The following KDM4C variants were observed in gnomAD, a reference collection of about 807,000 sequenced individuals.
KDM4C encodes lysine demethylase 4C.
In KDM4C, 81 loss-of-function variants were observed where a neutral mutation model predicts 129.3. That is an observed-to-expected ratio of 0.63 (90% CI 0.52 to 0.75). The LOEUF (loss-of-function observed/expected upper bound fraction) is 0.75, where lower values mean the gene tolerates loss of function less well. Among genes scored for constraint, KDM4C ranks in the 30% least tolerant of loss-of-function variants. The probability of loss-of-function intolerance (pLI) is 0.00; values close to 1 mark genes in which losing one functional copy is unlikely to be tolerated. For synonymous variants in KDM4C, 573 were observed against 456.1 expected (o/e 1.26, Z -3.26); for missense variants, 1,457 against 1,304.0 (o/e 1.12, Z -1.81).
At chr9:7,077,273 A>C (rs1206737650) in intron 17 of KDM4C, 3 of 966,930 alleles carry the variant, frequency 3.1e-6, no homozygotes, top group Admixed American at 6.2e-5. Context: ...ATCTTGGATT[A>C]GTGCTTGTAA....
chr9:7,092,635 G>A (rs1367762454), intron 17 of KDM4C, among the ~76,000 whole-genome samples: 2 of 152,180 alleles, frequency 1.3e-5, no homozygotes, highest in Non-Finnish European at 2.9e-5. Flanking sequence ...CACTTCTTCT[G>A]TGGGCTTCTT....
chr9:6,816,138 GCTGA>G (rs1282671617), intron 4 of KDM4C, among the ~76,000 whole-genome samples: 3 of 152,082 alleles, frequency 2.0e-5, no homozygotes, highest in Non-Finnish European at 4.4e-5. Context: ...TCAAATATTA[GCTGA>G]CTATCTGTCC....
At chr9:6,832,325 G>C (rs1402748641) in intron 4 of KDM4C, among the ~76,000 whole-genome samples, 1 of 148,832 alleles carries the variant, frequency 6.7e-6, no homozygotes, top group African/African-American at 2.5e-5. Flanking sequence ...GGGCGACAGA[G>C]TGAGACTCCG....
At chr9:7,003,219 G>T (rs1434094374) in intron 12 of KDM4C, among the ~76,000 whole-genome samples, 1 of 152,170 alleles carries the variant, frequency 6.6e-6, no homozygotes, top group African/African-American at 2.4e-5. Context: ...GGTAAAAGAA[G>T]TTGAAGTGGA....
intron 8 of KDM4C, among the ~76,000 whole-genome samples, chr9:6,899,314 C>T (rs1460594483): frequency 1.4e-4 from 22 of 151,956 alleles, no homozygotes; most frequent in Non-Finnish European, 1.2e-4. Flanking sequence ...AAATAAAGAA[C>T]CTACAATGAT....
intron 5 of KDM4C, among the ~76,000 whole-genome samples, chr9:6,863,001 A>G (rs1841241634): frequency 6.6e-6 from 1 of 152,040 alleles, no homozygotes; most frequent in Non-Finnish European, 1.5e-5. Flanking sequence ...ATTTGTTTTC[A>G]TTGATACATA....
chr9:7,037,434 TACA>T (rs1564022675), intron 15 of KDM4C, among the ~76,000 whole-genome samples: 2 of 152,212 alleles, frequency 1.3e-5, no homozygotes. Flanking sequence ...ACAGCCATAT[TACA>T]ACAATGCTGT....
intron 8 of KDM4C, among the ~76,000 whole-genome samples, chr9:6,948,812 G>A (rs1046352514): frequency 6.6e-6 from 1 of 152,148 alleles, no homozygotes; most frequent in Non-Finnish European, 1.5e-5. Context: ...TAAGGTCATA[G>A]ATCAACAGGA....
chr9:6,850,335 A>G (rs1345309512), intron 5 of KDM4C, among the ~76,000 whole-genome samples: 1 of 152,204 alleles, frequency 6.6e-6, no homozygotes, highest in Non-Finnish European at 1.5e-5. Context: ...TACTTTGAGC[A>G]TTTGTTGGAT....
intron 5 of KDM4C, among the ~76,000 whole-genome samples, chr9:6,854,379 G>T (rs1035424982): frequency 1.3e-5 from 2 of 151,854 alleles, no homozygotes; most frequent in African/African-American, 4.8e-5. Context: ...TACAAAATTA[G>T]CCGGGTGTGG....
intron 1 of KDM4C, among the ~76,000 whole-genome samples, chr9:6,730,779 G>C (rs1422660165): frequency 2.0e-5 from 3 of 152,112 alleles, no homozygotes; most frequent in Non-Finnish European, 4.4e-5. Flanking sequence ...AGAAATCAGA[G>C]GTGAGGTCCT....
At chr9:7,103,446 A>G (rs1837326056) in intron 17 of KDM4C, among the ~76,000 whole-genome samples, 1 of 152,240 alleles carries the variant, frequency 6.6e-6, no homozygotes, top group African/African-American at 2.4e-5. Context: ...TTGCTACAAG[A>G]AATAGTTAAA....
intron 8 of KDM4C, among the ~76,000 whole-genome samples, chr9:6,894,062 T>C (rs1370725945): frequency 1.3e-5 from 2 of 152,212 alleles, no homozygotes; most frequent in African/African-American, 4.8e-5. Flanking sequence ...TGTGGTCTTA[T>C]TTTGGCCATT....
At chr9:7,118,640 A>G (rs574234092) in intron 18 of KDM4C, among the ~76,000 whole-genome samples, 9 of 152,336 alleles carry the variant, frequency 5.9e-5, no homozygotes, top group African/African-American at 1.7e-4. Flanking sequence ...AGATGGTGAA[A>G]GGGTCATTGC....
At chr9:6,824,928 G>T (rs1278985534) in intron 4 of KDM4C, among the ~76,000 whole-genome samples, 2 of 152,132 alleles carry the variant, frequency 1.3e-5, no homozygotes, top group South Asian at 4.1e-4. Flanking sequence ...TGGATCACCT[G>T]AGGTCAAGAG....
chr9:6,789,412 G>C (rs188950156), intron 1 of KDM4C, among the ~76,000 whole-genome samples: 1 of 151,958 alleles, frequency 6.6e-6, no homozygotes, highest in African/African-American at 2.4e-5. Context: ...GTAGAGACGG[G>C]GTTTCTCCAT....
chr9:6,725,493 T>A (rs1817091532), intron 1 of KDM4C, among the ~76,000 whole-genome samples: 1 of 152,136 alleles, frequency 6.6e-6, no homozygotes, highest in African/African-American at 2.4e-5. Context: ...TTTATTTTTA[T>A]TTTTATTTTT....
intron 15 of KDM4C, among the ~76,000 whole-genome samples, chr9:7,032,928 A>T (rs1464928066): frequency 1.3e-5 from 2 of 152,208 alleles, no homozygotes; most frequent in East Asian, 3.8e-4. Context: ...TTTCCCTTTC[A>T]TATGTACTCT....
At chr9:6,751,782 T>C (rs1159723741) in intron 1 of KDM4C, among the ~76,000 whole-genome samples, 1 of 151,988 alleles carries the variant, frequency 6.6e-6, no homozygotes, top group Non-Finnish European at 1.5e-5. Context: ...AGGCTGAAAA[T>C]TGAGCTCATT....
Sources: gnomAD v4.1 joint callset for allele counts (sites outside exome capture counted in the v4.1 genomes callset) on GRCh38, gnomAD v4.1.1 for gene constraint, MANE v1.5 for transcripts, NCBI Gene and HGNC (gene_info 2026-07-23, HGNC 2026-07-21) for gene names.